Variants in SEC16A observed in about 807,000 individuals in gnomAD.
SEC16A encodes the protein protein transport protein Sec16A.
In SEC16A, 110 loss-of-function variants were observed where a neutral mutation model predicts 221.9. The observed-to-expected ratio is 0.50, with a 90% CI of 0.42 to 0.58. The LOEUF (loss-of-function observed/expected upper bound fraction) is 0.58, where lower values mean the gene tolerates loss of function less well. Ranked by LOEUF, SEC16A falls within the 20% of genes least tolerant of loss-of-function variation. The probability of loss-of-function intolerance (pLI) is 0.00; values close to 1 mark genes in which losing one functional copy is unlikely to be tolerated. For missense variants in SEC16A, 3,165 were observed against 3,097.8 expected, an observed-to-expected ratio of 1.02 and a Z score of -0.52; for synonymous variants, 1,393 against 1,257.7, an observed-to-expected ratio of 1.11 and a Z score of -2.28.
At position 136,462,580 on chromosome 9, in the gene SEC16A, C is replaced by T. The variant is rs146978314; in HGVS notation, c.4893+307G>A. Among the ~76,000 whole-genome samples the T allele has an allele frequency of 7.1e-3, 1,084 of 152,354 alleles. 4 individuals are homozygous for T. The highest frequency in any genetic ancestry group is 0.01 in the Non-Finnish European group (692 of 68,040). On this transcript the variant is annotated intron_variant, in intron 12 of 31. Coordinates refer to ENST00000684901, the MANE Select transcript of SEC16A (RefSeq NM_014866.2). ...ACAACTTGTGTCATGCACATTTCAT[C>T]CGAGATTTGGCACACACAGCAGGGG...
At position 136,447,669 on chromosome 9, in the gene SEC16A, C is replaced by G. The variant is rs761131389; in HGVS notation, c.6459G>C (p.Pro2153=). ...TGGGCATCGAGGTTGGAGGTGGGGG[C>G]GGGGCTTTCTTCTGCAGAGGGAAAC... The part of the protein sequence containing the change: ...LNEPEEEKKA[P]PPPPTSMPKT... The change falls in exon 26 of 32, where the codon CCG becomes CCC. Residue 2153 remains proline, a synonymous_variant. Coordinates refer to ENST00000684901, the MANE Select transcript of SEC16A (RefSeq NM_014866.2). This position sits in a 1 kb window ranked among gnomAD's most constrained non-coding sequence, Gnocchi z 5.5. 3.7e-6 allele frequency: 6 copies of G among 1,601,982 alleles called. No homozygotes were observed. Among genetic ancestry groups the G allele is most frequent in the Non-Finnish European group, 4.3e-6 (5 of 1,171,842 alleles).
In SEC16A at chr9:136,475,144, C is replaced by T; in HGVS notation, c.2472G>A (p.Gln824=). The change falls in exon 3 of 32, where the codon CAG becomes CAA. Residue 824 remains glutamine, a synonymous_variant. Transcript: ENST00000684901. The surrounding 1 kb of genome is among the most constrained non-coding windows in gnomAD (Gnocchi z 5.0). The part of the protein sequence containing the change: ...LLSSPPTESL[Q]NPPVLIAQPD... Reference sequence around the variant, plus strand: ...GCTGAGCAATCAAGACTGGAGGATTCTGCAGAGACTCAGTGGGCGGTGAGG... The same window carrying T: ...GCTGAGCAATCAAGACTGGAGGATTTTGCAGAGACTCAGTGGGCGGTGAGG... 6.2e-7 allele frequency: 1 copy of T among 1,613,898 alleles called. No homozygotes were observed. Among genetic ancestry groups the T allele is most frequent in the South Asian group, 1.1e-5 (1 of 91,076 alleles).
Position 136,457,558 on chromosome 9 carries a change from G to A in SEC16A, c.5436C>T (p.Arg1812=), listed in dbSNP as rs780819379. ...GCGTGGCCAGCCCCATTTCCGCCAG[G>A]CGGCAGGAGTAGATGAACTTAAACA... is the stretch of plus-strand genomic sequence containing the variant. ...FQVFKFIYSC[R]LAEMGLATQA... Residue 1812 remains arginine (R), a synonymous_variant, in exon 18 of 32, where the codon CGC becomes CGT. Transcript: ENST00000684901. 1 of 1,611,210 alleles carries A rather than the reference G, an allele frequency of 6.2e-7. No individual in the cohort carries two copies. Among genetic ancestry groups the A allele is most frequent in the Non-Finnish European group, 8.5e-7 (1 of 1,178,562 alleles).
chr9:136,448,849 A>G, intron 23 of SEC16A: 1 of 713,626 alleles, frequency 1.4e-6, no homozygotes, highest in Non-Finnish European at 2.6e-6. Flanking sequence ...AGACACCAGG[A>G]GGATGGAGGT....
chr9:136,454,724 T>C (rs1369100446), intron 20 of SEC16A, among the ~76,000 whole-genome samples: 2 of 152,256 alleles, frequency 1.3e-5, no homozygotes, highest in African/African-American at 4.8e-5. Context: ...CTGAGAGGGC[T>C]GCTGCCTACC....
intron 1 of SEC16A, among the ~76,000 whole-genome samples, chr9:136,481,602 C>T (rs1413871620): frequency 1.3e-5 from 2 of 152,200 alleles, no homozygotes; most frequent in African/African-American, 4.8e-5. Context: ...GTTCTGGCTA[C>T]AGAACTGAGG....
At chr9:136,479,265 C>T (rs1161016470) in intron 1 of SEC16A, among the ~76,000 whole-genome samples, 1 of 152,194 alleles carries the variant, frequency 6.6e-6, no homozygotes, top group East Asian at 1.9e-4. Context: ...AGTCTTTCTT[C>T]TTGTCAGCAC....
rs575289126 is a variant in SEC16A at position 136,479,854 on chromosome 9, A to T, written c.-191-1024T>A. On this transcript the variant is annotated intron_variant, in intron 1 of 31. Coordinates refer to ENST00000684901, the MANE Select transcript of SEC16A (RefSeq NM_014866.2). ...GCGATACCCCATCACCAAAAAAAAA[A>T]TGCCGGTCGTGGTGGTGCGTGCCTG... Among the ~76,000 whole-genome samples, 14 of 151,894 alleles carry T rather than the reference A, an allele frequency of 9.2e-5. No individual in the cohort carries two copies. In the East Asian group the frequency reaches 2.0e-3, roughly 21 times the overall value.
At chr9:136,468,355 A>T (rs1327984514) in intron 5 of SEC16A, 60 bp downstream of exon 5, 4 of 1,039,290 alleles carry the variant, frequency 3.8e-6, no homozygotes, top group African/African-American at 3.1e-5. Flanking sequence ...GCTGCATGTC[A>T]TCAGTGTCTT....
Position 136,441,658 on chromosome 9 carries a change from T to C in SEC16A, c.*97A>G. ...ACCAGCTCTGAGTCACTGCTGTGTC[T>C]CCCTGGGGGCGGGACGGAGATCGCG... On this transcript the variant is annotated 3_prime_UTR_variant, in exon 32 of 32. Coordinates refer to ENST00000684901, the MANE Select transcript of SEC16A (RefSeq NM_014866.2). The C allele has an allele frequency of 9.6e-7, 1 of 1,041,990 alleles. No homozygotes were observed. Among genetic ancestry groups the C allele is most frequent in the East Asian group, 2.5e-5 (1 of 40,288 alleles). 64.5% of individuals were successfully genotyped at this position (1,041,990 alleles called of 1,614,324 possible). A position where few individuals can be genotyped will look rare whatever the true frequency, so the allele number is the denominator to read the frequency against.
intron 5 of SEC16A, 126 bp downstream of exon 5, chr9:136,468,289 A>G (rs1230456144): frequency 1.8e-6 from 1 of 547,744 alleles, no homozygotes; most frequent in Non-Finnish European, 3.3e-6. Flanking sequence ...AAACATAAAG[A>G]GATTAATAAA....
At position 136,460,101 on chromosome 9, in the gene SEC16A, T is replaced by C; in HGVS notation, c.5014A>G (p.Asn1672Asp). The C allele has an allele frequency of 6.2e-7, 1 of 1,607,414 alleles. No individual in the cohort carries two copies. Among genetic ancestry groups the C allele is most frequent in the Non-Finnish European group, 8.5e-7 (1 of 1,176,984 alleles). The change falls in exon 14 of 32, where the codon AAC (asparagine) becomes GAC (aspartate). Residue 1672 changes from asparagine (N) to aspartate (D), a missense_variant. This residue lies in a region of SEC16A where 1,088 missense variants were observed against 1,089.6 expected (regional missense o/e 1.00). Transcript: ENST00000684901. ...TGGTAGACTGTCTGCAGAGGGTCGT[T>C]GATTGGGAGGCTGTTAGCAAACCTA... is the stretch of plus-strand genomic sequence containing the variant. ...MTRFANSLPI[N>D]DPLQTVYQLM... is the part of the protein sequence containing the mutation.
intron 28 of SEC16A, 80 bp from the exon 29 acceptor site, chr9:136,445,799 T>C (rs1011473903): frequency 3.2e-6 from 4 of 1,234,406 alleles, no homozygotes; most frequent in South Asian, 1.3e-5. Context: ...AATATGAAAC[T>C]GTTCTGGCCT....
At position 136,459,751 on chromosome 9, in the gene SEC16A, A is replaced by C. The variant is rs776625491; in HGVS notation, c.5191+6T>G. The C allele has an allele frequency of 1.2e-6, 2 of 1,601,004 alleles. No homozygotes were observed. Among genetic ancestry groups the C allele is most frequent in the Non-Finnish European group, 1.7e-6 (2 of 1,173,350 alleles). On this transcript the variant is annotated splice_donor_region_variant and intron_variant, in intron 15 of 31. Transcript: ENST00000684901. This position sits in a 1 kb window ranked among gnomAD's most constrained non-coding sequence, Gnocchi z 6.1. ...CACCCAATGCCCATCTCCACCCCTG[A>C]CCTACCCAGAGTGTCGCCCATGGTA... is the stretch of plus-strand genomic sequence containing the variant.
chr9:136,449,391 A>C (rs1837474629), intron 23 of SEC16A, among the ~76,000 whole-genome samples: 1 of 152,204 alleles, frequency 6.6e-6, no homozygotes, highest in Non-Finnish European at 1.5e-5. Context: ...CTGGGATTAC[A>C]GGCACCCACC....
intron 12 of SEC16A, among the ~76,000 whole-genome samples, chr9:136,462,636 G>A (rs767709760): frequency 3.3e-5 from 5 of 152,076 alleles, no homozygotes; most frequent in Admixed American, 6.6e-5. Context: ...TGCATTTATC[G>A]AATAACTGAA....
At chr9:136,472,787 G>A (rs925893766) in intron 3 of SEC16A, among the ~76,000 whole-genome samples, 1 of 152,252 alleles carries the variant, frequency 6.6e-6, no homozygotes, top group African/African-American at 2.4e-5. Context: ...AGGCCTCGAC[G>A]CTGCCGCTGC....
chr9:136,467,148 TA>T, intron 5 of SEC16A, 65 bp from the exon 6 acceptor site: 1 of 1,584,346 alleles, frequency 6.3e-7, no homozygotes, highest in Non-Finnish European at 8.6e-7. Context: ...CAGATATCAC[TA>T]AAGAAGCGAC....
intron 20 of SEC16A, 117 bp from the exon 21 acceptor site, chr9:136,454,444 A>G: frequency 3.1e-6 from 3 of 974,342 alleles, no homozygotes; most frequent in Non-Finnish European, 4.8e-6. Context: ...CATTTCTTTT[A>G]TAAGGGAGGT....
Sources: allele counts gnomAD v4.1 joint callset (sites outside exome capture counted in the v4.1 genomes callset), GRCh38; gene constraint gnomAD v4.1.1; regional missense constraint gnomAD v4.1.1; non-coding constraint Gnocchi (gnomAD v3.1); transcripts MANE v1.5; gene names NCBI Gene and HGNC (gene_info 2026-07-23, HGNC 2026-07-21).